The following MEGF9 variants were observed in gnomAD, a reference collection of about 807,000 sequenced individuals.
MEGF9 encodes the protein multiple EGF like domains 9.
In MEGF9, 6 loss-of-function variants were observed where a neutral mutation model predicts 46.8. That is an observed-to-expected ratio of 0.13 (90% CI 0.07 to 0.25). MEGF9 has a LOEUF of 0.25. Ranked by LOEUF, MEGF9 falls within the 10% of genes least tolerant of loss-of-function variation. The pLI, the probability that MEGF9 is intolerant of heterozygous loss-of-function variation, is 1.00. For missense variants in MEGF9, 683 were observed against 792.4 expected (o/e 0.86, Z 1.66); for synonymous variants, 302 against 330.7 (o/e 0.91, Z 0.94).
chr9:120,637,900 A>G (rs2043585746), intron 2 of MEGF9, among the ~76,000 whole-genome samples: 1 of 151,102 alleles, frequency 6.6e-6, no homozygotes, highest in African/African-American at 2.4e-5. Flanking sequence ...GGGTCTAGGT[A>G]TCTTGCCAAG....
intron 3 of MEGF9, among the ~76,000 whole-genome samples, chr9:120,612,779 G>C (rs1182106239): frequency 6.6e-6 from 1 of 152,026 alleles, no homozygotes; most frequent in African/African-American, 2.4e-5. Context: ...ATAAATCCTT[G>C]CTGGTTAATC....
chr9:120,647,674 T>C (rs1392196765), intron 2 of MEGF9, among the ~76,000 whole-genome samples: 1 of 152,206 alleles, frequency 6.6e-6, no homozygotes, highest in African/African-American at 2.4e-5. Flanking sequence ...TCCTACAAAA[T>C]AGCATAAGAA....
At chr9:120,606,943 A>C (rs776606227) in intron 5 of MEGF9, among the ~76,000 whole-genome samples, 6 of 152,130 alleles carry the variant, frequency 3.9e-5, no homozygotes, top group Non-Finnish European at 8.8e-5. Flanking sequence ...GTGCCTCCCA[A>C]ATAGGTAAGA....
intron 1 of MEGF9, among the ~76,000 whole-genome samples, chr9:120,712,819 G>T (rs970163250): frequency 1.3e-5 from 2 of 152,178 alleles, no homozygotes; most frequent in Non-Finnish European, 2.9e-5. Context: ...TTGTCCAAAC[G>T]TTCTGACAAA....
At chr9:120,637,659 G>A (rs2043584037) in intron 2 of MEGF9, among the ~76,000 whole-genome samples, 1 of 151,162 alleles carries the variant, frequency 6.6e-6, no homozygotes, top group Non-Finnish European at 1.5e-5. Flanking sequence ...GGGCATGGTG[G>A]TGGGTGCCTG....
chr9:120,653,365 ATTTAT>A (rs1291299850), intron 2 of MEGF9, among the ~76,000 whole-genome samples: 2 of 149,068 alleles, frequency 1.3e-5, no homozygotes, highest in African/African-American at 5.0e-5. Context: ...ATAATATTTT[ATTTAT>A]TTTATTTATT....
At chr9:120,638,670 G>C (rs1337388375) in intron 2 of MEGF9, among the ~76,000 whole-genome samples, 1 of 152,222 alleles carries the variant, frequency 6.6e-6, no homozygotes, top group African/African-American at 2.4e-5. Context: ...GACGCTATCA[G>C]CTTTTACATT....
Position 120,607,762 on chromosome 9 carries a change from C to G in MEGF9, c.1336G>C (p.Glu446Gln). The G allele has an allele frequency of 1.2e-6, 2 of 1,609,784 alleles. No homozygotes were observed. The highest frequency in any genetic ancestry group is 1.7e-6 in the Non-Finnish European group (2 of 1,176,198). The part of the protein sequence containing the change: ...NCLEGYVHDL[E>Q]GNCIKKEVIL... Reference sequence around the variant, plus strand: ...TTACCTTTCTTGATGCAATTTCCCTCGAGGTCGTGAACATAACCTTCTAGG... The same window carrying G: ...TTACCTTTCTTGATGCAATTTCCCTGGAGGTCGTGAACATAACCTTCTAGG... Residue 446 changes from glutamate to glutamine, a missense_variant, in exon 5 of 6, where the codon GAG (glutamate) becomes CAG (glutamine). By Grantham distance (29) the Glu-to-Gln change is conservative. Around this residue, in one of 2 missense-constraint regions of MEGF9, gnomAD observed 313 missense variants for 421.1 expected, o/e 0.74. Coordinates refer to ENST00000373930, the MANE Select transcript of MEGF9 (RefSeq NM_001080497.3).
At chr9:120,674,282 G>GA (rs1308257146) in intron 1 of MEGF9, among the ~76,000 whole-genome samples, 2 of 151,978 alleles carry the variant, frequency 1.3e-5, no homozygotes, top group African/African-American at 4.8e-5. Flanking sequence ...AAAGAACCCT[G>GA]AAAACCCAAC....
Position 120,607,901 on chromosome 9 carries a change from C to T in MEGF9, c.1197G>A (p.Lys399=), listed in dbSNP as rs750931897. The change falls in exon 5 of 6, where the codon AAG becomes AAA. Residue 399 remains lysine, a synonymous_variant. Transcript: ENST00000373930. The part of the protein sequence containing the change: ...GYYNFDSICR[K]CQCHGHVDPV... ...GGTCCACATGGCCGTGACATTGGCA[C>T]TTTCTACAGATGCTGTCAAAATTGT... The T allele has an allele frequency of 1.4e-5, 22 of 1,613,908 alleles. No individual in the cohort carries two copies. Among genetic ancestry groups the T allele is most frequent in the African/African-American group, 2.7e-5 (2 of 74,918 alleles).
intron 2 of MEGF9, among the ~76,000 whole-genome samples, chr9:120,656,652 T>G (rs942820859): frequency 2.6e-5 from 4 of 152,228 alleles, no homozygotes; most frequent in African/African-American, 9.6e-5. Context: ...CATAATTATT[T>G]GTATTATCTG....
At chr9:120,647,144 GTTT>G (rs74313275) in intron 2 of MEGF9, among the ~76,000 whole-genome samples, 2,390 of 140,768 alleles carry the variant, frequency 0.017, 62 homozygotes, top group African/African-American at 0.059. Context: ...CTGGAAAAAA[GTTT>G]TTTTTTTTTT....
At chr9:120,634,541 G>A (rs1243243633) in intron 2 of MEGF9, among the ~76,000 whole-genome samples, 15 of 117,080 alleles carry the variant, frequency 1.3e-4, no homozygotes, top group Non-Finnish European at 2.3e-4. Context: ...TGCAGGCTCC[G>A]CCCCCTGGGG....
rs3983894 is a variant in MEGF9 at position 120,611,865 on chromosome 9, A to AAGAGAG, written c.1087+525_1087+530dup. 2.0e-3 allele frequency among the ~76,000 whole-genome samples: 274 copies of AAGAGAG among 137,206 alleles called. 1 individual carries two copies. Among genetic ancestry groups the AAGAGAG allele is most frequent in the East Asian group, 7.5e-3 (36 of 4,806 alleles). The allele number at this position is 137,206 out of a possible 152,430, so 90.0% of individuals were successfully genotyped here. A position where few individuals can be genotyped will look rare whatever the true frequency, so the allele number is the denominator to read the frequency against. On this transcript the variant is annotated intron_variant, in intron 4 of 5. Transcript: ENST00000373930. ...GAAGGAAGGAAGGAAGGAAGGAAGA[A>AAGAGAG]AGAGAGAGAGAGAGAGAGAGAAAGA...
At chr9:120,609,561 A>G (rs551974803) in intron 4 of MEGF9, among the ~76,000 whole-genome samples, 14 of 152,196 alleles carry the variant, frequency 9.2e-5, no homozygotes, top group Non-Finnish European at 1.3e-4. Context: ...CACGTGTTCA[A>G]TATGTATCTA....
At chr9:120,701,723 T>C (rs964103589) in intron 1 of MEGF9, among the ~76,000 whole-genome samples, 2 of 152,360 alleles carry the variant, frequency 1.3e-5, no homozygotes, top group East Asian at 1.9e-4. Flanking sequence ...TAAGCTACTT[T>C]AAGTAATGTT....
rs1375173760 is a variant in MEGF9 at position 120,659,431 on chromosome 9, C to T, written c.746G>A (p.Gly249Glu). 10 of 1,613,766 alleles carry T rather than the reference C, an allele frequency of 6.2e-6. No individual in the cohort carries two copies. Among genetic ancestry groups the T allele is most frequent in the Non-Finnish European group, 8.5e-6 (10 of 1,179,852 alleles). Residue 249 changes from glycine (G) to glutamate (E), a missense_variant, in exon 2 of 6, where the codon GGG becomes GAG. Around this residue, in one of 2 missense-constraint regions of MEGF9, gnomAD observed 370 missense variants for 371.3 expected, o/e 1.00. Transcript: ENST00000373930. ...KEGFYLNYTSGLCQPCDCSPH... is the reference protein window; with the variant it reads ...KEGFYLNYTSELCQPCDCSPH... ...ACTACAGTCACATGGCTGACAGAGCCCAGAAGTGTAATTTAGGTAAAAGCC... is the reference window on the plus strand; with the variant it reads ...ACTACAGTCACATGGCTGACAGAGCTCAGAAGTGTAATTTAGGTAAAAGCC...
chr9:120,700,672 T>A (rs1187226783), intron 1 of MEGF9, among the ~76,000 whole-genome samples: 1 of 152,164 alleles, frequency 6.6e-6, no homozygotes, highest in Admixed American at 6.5e-5. Flanking sequence ...CCAATCCCTA[T>A]AATGATTAAT....
At chr9:120,643,343 C>G (rs1430319646) in intron 2 of MEGF9, among the ~76,000 whole-genome samples, 1 of 152,102 alleles carries the variant, frequency 6.6e-6, no homozygotes, top group East Asian at 1.9e-4. Context: ...TAGCCTAAGT[C>G]TACTAACATG....
Sources: allele counts gnomAD v4.1 joint callset (sites outside exome capture counted in the v4.1 genomes callset), GRCh38; gene constraint gnomAD v4.1.1; regional missense constraint gnomAD v4.1.1; transcripts MANE v1.5; gene names NCBI Gene and HGNC (gene_info 2026-07-23, HGNC 2026-07-21).